INTS1: variants seen among roughly 807,000 people sequenced by gnomAD.
INTS1 encodes the protein integrator complex subunit 1.
A neutral mutation model predicts 241.6 loss-of-function variants in INTS1; 137 were observed. That is an observed-to-expected ratio of 0.57 (90% confidence interval 0.49 to 0.65). INTS1 has a LOEUF of 0.65. Ranked by LOEUF, INTS1 falls within the 30% of genes least tolerant of loss-of-function variation. INTS1 has a pLI of 0.00. For synonymous variants in INTS1, 1,692 were observed against 1,337.8 expected (o/e 1.26, Z -5.78); for missense variants, 3,073 against 3,032.2 (o/e 1.01, Z -0.32).
intron 29 of INTS1, 113 bp downstream of exon 29, chr7:1,480,722 C>G (rs1407863313): frequency 9.2e-6 from 8 of 870,644 alleles, no homozygotes; most frequent in African/African-American, 1.7e-5. Context: ...AGCAAGTGTG[C>G]ACTGCCCTGT....
At position 1,484,009 on chromosome 7, in the gene INTS1, G is replaced by A; in HGVS notation, c.3423C>T (p.Tyr1141=). Residue 1141 remains tyrosine (Y), a synonymous_variant, in exon 25 of 48, where the codon TAC becomes TAT. Coordinates refer to ENST00000404767, the MANE Select transcript of INTS1 (RefSeq NM_001080453.3). ...TAGACCTCCTCGCCCTCACCCAGCT[G>A]TAGACCTCCTCGCCCTCCTTGCTCT... is the stretch of plus-strand genomic sequence containing the variant. ...MRQSKEGEEV[Y]SWSESQDQVF... 1 of 1,608,112 alleles carries A rather than the reference G, an allele frequency of 6.2e-7. No individual in the cohort carries two copies. Among genetic ancestry groups the A allele is most frequent in the South Asian group, 1.1e-5 (1 of 90,932 alleles).
At chr7:1,489,510 A>G (rs907340951) in intron 17 of INTS1, 81 bp downstream of exon 17, 22 of 1,531,060 alleles carry the variant, frequency 1.4e-5, no homozygotes, top group Non-Finnish European at 1.8e-5. Context: ...GCTCATCCCA[A>G]GTCCCAACAG....
chr7:1,477,672 G>C lies in INTS1; in HGVS notation c.4816C>G (p.Leu1606Val). 1 of 1,597,906 alleles carries C rather than the reference G, an allele frequency of 6.3e-7. No individual in the cohort carries two copies. The change falls in exon 35 of 48, where the codon CTG (leucine) becomes GTG (valine). Residue 1606 changes from leucine (L) to valine (V), a missense_variant and splice_region_variant. Coordinates refer to ENST00000404767, the MANE Select transcript of INTS1 (RefSeq NM_001080453.3). Reference sequence around the variant, plus strand: ...GAGGGCCCCAGCCGCACGGCCTCCAGGCTGCAGGGAGAAGGTGGCTCAGGG... The same window carrying C: ...GAGGGCCCCAGCCGCACGGCCTCCACGCTGCAGGGAGAAGGTGGCTCAGGG... ...GGKPGADGGS[L>V]EAVRLGPSSG... is the part of the protein sequence containing the mutation.
intron 22 of INTS1, among the ~76,000 whole-genome samples, chr7:1,485,927 T>G (rs10280410): frequency 0.54 from 81,843 of 152,060 alleles, 23,838 homozygotes; most frequent in African/African-American, 0.77. Context: ...CCAAGTGGCT[T>G]GGACCACAGG....
chr7:1,487,116 G>C lies in INTS1; in HGVS notation c.2647-15C>G, dbSNP rs938958357. 1 of 1,540,606 alleles carries C rather than the reference G, an allele frequency of 6.5e-7. No homozygotes were observed. On this transcript the variant is annotated splice_polypyrimidine_tract_variant and intron_variant, in intron 20 of 47. Coordinates refer to ENST00000404767, the MANE Select transcript of INTS1 (RefSeq NM_001080453.3). ...TGCGAGGAGGCCTGGGCAGGCGACA[G>C]TGGCGCCCGCTCAGCACCTTCCAGG...
chr7:1,484,232 G>A (rs1782140082), intron 24 of INTS1, 62 bp from the exon 25 acceptor site: 22 of 1,532,034 alleles, frequency 1.4e-5, no homozygotes, highest in Non-Finnish European at 1.9e-5. Flanking sequence ...GGCCAGCTGG[G>A]GTGACCTCGT....
rs1399722674 is a variant in INTS1 at position 1,487,853 on chromosome 7, G to T, written c.2423C>A (p.Ala808Asp). 2 of 1,613,550 alleles carry T rather than the reference G, an allele frequency of 1.2e-6. No individual in the cohort carries two copies. The highest frequency in any genetic ancestry group is 1.7e-6 in the Non-Finnish European group (2 of 1,179,864). The part of the protein sequence containing the change: ...TAQREKQEIL[A>D]FEGHLAAAST... Reference sequence around the variant, plus strand: ...CGCGGCCGCCAGGTGCCCCTCGAAGGCCAGGATCTCCTGCTTCTCCCGCTG... The same window carrying T: ...CGCGGCCGCCAGGTGCCCCTCGAAGTCCAGGATCTCCTGCTTCTCCCGCTG... The change falls in exon 19 of 48, where the codon GCC becomes GAC. Residue 808 changes from alanine to aspartate, a missense_variant. Physicochemically the swap from Ala to Asp is moderately radical, Grantham distance 126 (BLOSUM62 -2). Coordinates refer to ENST00000404767, the MANE Select transcript of INTS1 (RefSeq NM_001080453.3).
At chr7:1,489,225 G>T in intron 18 of INTS1, 119 bp downstream of exon 18, 1 of 148,196 alleles carries the variant, frequency 6.7e-6, no homozygotes, top group Non-Finnish European at 8.6e-6. Context: ...TGAGTCAACA[G>T]AAGATGCTAA....
In INTS1 at chr7:1,499,179, G is replaced by T; in HGVS notation, c.951-18C>A. The T allele has an allele frequency of 6.2e-7, 1 of 1,606,508 alleles. No homozygotes were observed. Among genetic ancestry groups the T allele is most frequent in the African/African-American group, 1.3e-5 (1 of 74,872 alleles). ...CTTCGTACCTAGGCCAGAGGAGGGA[G>T]CGAGGAGGGAGGAAGGTGGCCCCGA... On this transcript the variant is annotated intron_variant, in intron 7 of 47. Coordinates refer to ENST00000404767, the MANE Select transcript of INTS1 (RefSeq NM_001080453.3).
chr7:1,495,310 G>C, intron 13 of INTS1, 123 bp downstream of exon 13: 1 of 1,192,184 alleles, frequency 8.4e-7, no homozygotes, highest in African/African-American at 1.5e-5. Context: ...GTGTGGGGCA[G>C]GGGCTGTGCG....
At chr7:1,472,194 A>G (rs1781502112) in intron 44 of INTS1, 79 bp downstream of exon 44, 1 of 1,110,146 alleles carries the variant, frequency 9.0e-7, no homozygotes, top group Admixed American at 2.0e-5. Flanking sequence ...TCAGTGCCCA[A>G]ATGGCTACTG....
chr7:1,498,629 G>GCACCCCCGCTCCGCCCA, intron 9 of INTS1, 76 bp from the exon 10 acceptor site: 7 of 1,218,410 alleles, frequency 5.7e-6, no homozygotes, highest in Non-Finnish European at 7.4e-6. Flanking sequence ...CACTCCGCCC[G>GCACCCCCGCTCCGCCCA]CACCCCCGCT....
At chr7:1,479,083 C>G (rs1354312583) in intron 31 of INTS1, among the ~76,000 whole-genome samples, 198 bp from the exon 32 acceptor site, 1 of 152,232 alleles carries the variant, frequency 6.6e-6, no homozygotes, top group East Asian at 1.9e-4. Flanking sequence ...GAGACCCTTT[C>G]AAAACCCCCC....
In INTS1 at chr7:1,482,689, T is replaced by C; in HGVS notation, c.3560A>G (p.Gln1187Arg). 6.2e-7 allele frequency: 1 copy of C among 1,612,624 alleles called. No individual in the cohort carries two copies. The highest frequency in any genetic ancestry group is 8.5e-7 in the Non-Finnish European group (1 of 1,179,792). Residue 1187 changes from glutamine to arginine, a missense_variant, in exon 27 of 48, where the codon CAG (glutamine) becomes CGG (arginine). Coordinates refer to ENST00000404767, the MANE Select transcript of INTS1 (RefSeq NM_001080453.3). The stretch of plus-strand genomic sequence containing the variant: ...CGGAAACCAGATGTCCAGCAGCGCC[T>C]GGAACTCGCTGTCGTCGGCTTCAGG... ...GPPRADDSEF[Q>R]ALLDIWFPEE... is the part of the protein sequence containing the mutation.
chr7:1,477,734 G>A lies in INTS1; in HGVS notation c.4814+19C>T, dbSNP rs1010865285. On this transcript the variant is annotated intron_variant, in intron 34 of 47. Transcript: ENST00000404767. ...CCACCCGCCTGCCCACCCTGGCCGTGTGCAGCACCCCAGCTCACCTGCCAC... is the reference window on the plus strand; with the variant it reads ...CCACCCGCCTGCCCACCCTGGCCGTATGCAGCACCCCAGCTCACCTGCCAC... The A allele has an allele frequency of 6.2e-7, 1 of 1,610,900 alleles. No individual in the cohort carries two copies. The highest frequency in any genetic ancestry group is 1.3e-5 in the African/African-American group (1 of 74,918).
chr7:1,503,292 G>T, intron 2 of INTS1, 101 bp from the exon 3 acceptor site: 1 of 1,276,496 alleles, frequency 7.8e-7, no homozygotes, highest in Non-Finnish European at 1.1e-6. Context: ...TTAAACAAGG[G>T]TCAGAGGAGG....
At chr7:1,476,705 TG>T (rs1562488689) in intron 36 of INTS1, 48 bp from the exon 37 acceptor site, 1 of 1,612,242 alleles carries the variant, frequency 6.2e-7, no homozygotes, top group Non-Finnish European at 8.5e-7. Flanking sequence ...CGTCTCAGCA[TG>T]GGAGATACCA....
At chr7:1,494,138 C>G (rs556622683) in intron 14 of INTS1, among the ~76,000 whole-genome samples, 181 of 152,206 alleles carry the variant, frequency 1.2e-3, no homozygotes, top group Admixed American at 4.5e-3. Context: ...ACCCCCACCC[C>G]AAGGCCTTTG....
In INTS1 at chr7:1,497,401, G is replaced by A. The variant is rs1782916616; in HGVS notation, c.1426-87C>T. ...TTCCCGCAGCACCAACAGGTATGGC[G>A]CCCGAGGGCGCTGCAGTGGGTCTCA... On this transcript the variant is annotated intron_variant, in intron 10 of 47. Coordinates refer to ENST00000404767, the MANE Select transcript of INTS1 (RefSeq NM_001080453.3). The surrounding 1 kb of genome is among the most constrained non-coding windows in gnomAD (Gnocchi z 5.3). 12 of 1,386,488 alleles carry A rather than the reference G, an allele frequency of 8.7e-6. No homozygotes were observed. The highest frequency in any genetic ancestry group is 5.8e-5 in the African/African-American group (4 of 69,460). The allele number at this position is 1,386,488 out of a possible 1,614,324, so 85.9% of individuals were successfully genotyped here. A position where few individuals can be genotyped will look rare whatever the true frequency, so the allele number is the denominator to read the frequency against.
Sources: allele counts gnomAD v4.1 joint callset (sites outside exome capture counted in the v4.1 genomes callset), GRCh38; gene constraint gnomAD v4.1.1; non-coding constraint Gnocchi (gnomAD v3.1); transcripts MANE v1.5; gene names NCBI Gene and HGNC (gene_info 2026-07-23, HGNC 2026-07-21).